Variants in EPHA4 observed in about 807,000 individuals in gnomAD.
EPHA4 encodes the protein EPH receptor A4, also known as ephrin type-A receptor 4.
EPHA4 carries 19 observed loss-of-function variants against 108.3 expected under a neutral mutation model. The ratio of observed to expected loss-of-function variants is 0.18; its 90% CI spans 0.12 to 0.26. The LOEUF is 0.26. Among genes scored for constraint, EPHA4 ranks in the 10% least tolerant of loss-of-function variants. The probability of loss-of-function intolerance (pLI) is 1.00; values close to 1 mark genes in which losing one functional copy is unlikely to be tolerated. For synonymous variants in EPHA4, 449 were observed against 455.5 expected, an observed-to-expected ratio of 0.99 and a Z score of 0.18; for missense variants, 917 against 1,254.0, an observed-to-expected ratio of 0.73 and a Z score of 4.06.
chr2:221,503,498 T>C (rs1030434916), intron 3 of EPHA4, among the ~76,000 whole-genome samples: 2 of 152,234 alleles, frequency 1.3e-5, no homozygotes, highest in Admixed American at 1.3e-4. Flanking sequence ...AAACCTGTTT[T>C]ATATATTATG....
intron 4 of EPHA4, among the ~76,000 whole-genome samples, chr2:221,497,524 A>G (rs1000044529): frequency 1.3e-5 from 2 of 152,174 alleles, no homozygotes; most frequent in African/African-American, 4.8e-5. Context: ...GGATCACATG[A>G]GGTGACGAGT....
intron 12 of EPHA4, among the ~76,000 whole-genome samples, chr2:221,436,854 A>T (rs760662452): frequency 2.0e-5 from 3 of 152,342 alleles, no homozygotes; most frequent in Admixed American, 1.3e-4. Context: ...CAACAGCTCC[A>T]CATTACAGGA....
rs766800617 is a variant in EPHA4, at chr2:221,482,527, T to C, written c.1143A>G (p.Gly381=). The C allele has an allele frequency of 6.2e-7, 1 of 1,613,968 alleles. No individual in the cohort carries two copies. Among genetic ancestry groups the C allele is most frequent in the African/African-American group, 1.3e-5 (1 of 74,910 alleles). Residue 381 remains glycine, a synonymous_variant, in exon 5 of 18, where the codon GGA becomes GGG. Transcript: ENST00000281821. ...AGDPSKCRPC[G]SGVHYTPQQN... ...GCTGTGGGGTGTAGTGGACCCCACT[T>C]CCACAGGGTCGGCACTTGCTGGGGT...
At chr2:221,490,226 G>A (rs1574606613) in intron 4 of EPHA4, among the ~76,000 whole-genome samples, 3 of 128,218 alleles carry the variant, frequency 2.3e-5, no homozygotes, top group South Asian at 2.5e-4. Flanking sequence ...TAATAATAAA[G>A]AGAGAAAAAA....
intron 8 of EPHA4, among the ~76,000 whole-genome samples, chr2:221,453,378 T>C (rs1690842921): frequency 6.6e-6 from 1 of 152,190 alleles, no homozygotes; most frequent in South Asian, 2.1e-4. Flanking sequence ...ATAATTCCTA[T>C]ACACTCCCCC....
At chr2:221,482,325 A>T (rs1228892958) in intron 5 of EPHA4, 27 bp downstream of exon 5, 2 of 1,547,738 alleles carry the variant, frequency 1.3e-6, no homozygotes, top group South Asian at 2.4e-5. Flanking sequence ...CATTCAGATC[A>T]TACAATAAAG....
chr2:221,434,218 A>G lies in EPHA4; in HGVS notation c.2420T>C (p.Val807Ala). The G allele has an allele frequency of 6.2e-7, 1 of 1,614,122 alleles. No individual in the cohort carries two copies. The highest frequency in any genetic ancestry group is 8.5e-7 in the Non-Finnish European group (1 of 1,179,986). Reference sequence around the variant, plus strand: ...CCACATAACGATTCCATAGCTCCATACATCACTTGCTGATGTGAATTTACG... The same window carrying G: ...CCACATAACGATTCCATAGCTCCATGCATCACTTGCTGATGTGAATTTACG... ...AYRKFTSASDVWSYGIVMWEV... is the reference protein window; with the variant it reads ...AYRKFTSASDAWSYGIVMWEV... Residue 807 changes from valine to alanine, a missense_variant, in exon 14 of 18, where the codon GTA (valine) becomes GCA (alanine). Coordinates refer to ENST00000281821, the MANE Select transcript of EPHA4 (RefSeq NM_004438.5).
At chr2:221,551,167 T>C (rs1444447133) in intron 3 of EPHA4, among the ~76,000 whole-genome samples, 1 of 152,094 alleles carries the variant, frequency 6.6e-6, no homozygotes, top group Non-Finnish European at 1.5e-5. Flanking sequence ...TTGTTTGCAA[T>C]GGAAACTATT....
chr2:221,494,972 A>G (rs928126208), intron 4 of EPHA4, among the ~76,000 whole-genome samples: 1 of 151,702 alleles, frequency 6.6e-6, no homozygotes, highest in Middle Eastern at 3.4e-3. Context: ...AATGTGCAGA[A>G]ATAATGGTGC....
At chr2:221,501,812 G>A (rs928035915) in intron 3 of EPHA4, among the ~76,000 whole-genome samples, 1 of 152,168 alleles carries the variant, frequency 6.6e-6, no homozygotes, top group African/African-American at 2.4e-5. Context: ...TAAAAAAGAC[G>A]AGCTTGTAAG....
At chr2:221,444,164 T>TC (rs113967637) in intron 9 of EPHA4, among the ~76,000 whole-genome samples, 52,715 of 152,080 alleles carry the variant, frequency 0.35, 10,912 homozygotes, top group African/African-American at 0.59. Flanking sequence ...GTAGTGGACC[T>TC]CACTTCTTTT....
chr2:221,566,956 G>GAGAAGGGGAAGA (rs1491340819), intron 2 of EPHA4, among the ~76,000 whole-genome samples: 1 of 6,486 alleles, frequency 1.5e-4, no homozygotes, highest in Non-Finnish European at 3.1e-4. Flanking sequence ...GAAGGAGAAG[G>GAGAAGGGGAAGA]GGAAGAGGAA....
chr2:221,463,831 C>A (rs1691223904), intron 5 of EPHA4, among the ~76,000 whole-genome samples: 1 of 152,164 alleles, frequency 6.6e-6, no homozygotes, highest in Non-Finnish European at 1.5e-5. Context: ...GAGAGGAAAG[C>A]TTCACATGGT....
At chr2:221,440,874 C>T (rs552733982) in intron 11 of EPHA4, among the ~76,000 whole-genome samples, 20 of 152,292 alleles carry the variant, frequency 1.3e-4, no homozygotes, top group Admixed American at 1.1e-3. Context: ...AGGTGGTATG[C>T]GGTCGTTTGT....
chr2:221,478,658 G>A (rs1250063787), intron 5 of EPHA4, among the ~76,000 whole-genome samples: 1 of 152,118 alleles, frequency 6.6e-6, no homozygotes. Flanking sequence ...GGCTGGGAGT[G>A]ACTCATCTCA....
chr2:221,509,506 T>A (rs1455284691), intron 3 of EPHA4, among the ~76,000 whole-genome samples: 1 of 152,228 alleles, frequency 6.6e-6, no homozygotes, highest in African/African-American at 2.4e-5. Flanking sequence ...AGAAAAGATG[T>A]ACTGAGTTGC....
At chr2:221,444,902 C>G (rs1328526329) in intron 9 of EPHA4, among the ~76,000 whole-genome samples, 7 of 151,800 alleles carry the variant, frequency 4.6e-5, no homozygotes, top group African/African-American at 1.7e-4. Context: ...GGATTACAGG[C>G]GTGCATTATC....
chr2:221,510,456 C>T (rs939856089), intron 3 of EPHA4, among the ~76,000 whole-genome samples: 1 of 152,278 alleles, frequency 6.6e-6, no homozygotes, highest in South Asian at 2.1e-4. Context: ...TTTCTACGTT[C>T]CATCTCCTCC....
At chr2:221,475,998 G>A (rs1257509718) in intron 5 of EPHA4, among the ~76,000 whole-genome samples, 3 of 152,132 alleles carry the variant, frequency 2.0e-5, no homozygotes, top group Admixed American at 2.0e-4. Context: ...GCAGATGGAT[G>A]CACTTGAGGC....
Sources: gnomAD v4.1 joint callset for allele counts (sites outside exome capture counted in the v4.1 genomes callset) on GRCh38, gnomAD v4.1.1 for gene constraint, MANE v1.5 for transcripts, NCBI Gene and HGNC (gene_info 2026-07-23, HGNC 2026-07-21) for gene names.